The following VAX2 variants were observed in gnomAD, a reference collection of about 807,000 sequenced individuals.
VAX2 encodes ventral anterior homeobox 2.
A neutral mutation model predicts 12.5 loss-of-function variants in VAX2; 8 were observed. The ratio of observed to expected loss-of-function variants is 0.64; its 90% CI spans 0.37 to 1.15. The LOEUF (loss-of-function observed/expected upper bound fraction) is 1.15, where lower values mean the gene tolerates loss of function less well. Ranked by LOEUF, VAX2 falls within the 50% of genes most tolerant of loss-of-function variation. The probability of loss-of-function intolerance (pLI) is 0.01; values close to 1 mark genes in which losing one functional copy is unlikely to be tolerated. For synonymous variants in VAX2, 183 were observed against 187.6 expected (o/e 0.98, Z 0.20); for missense variants, 476 against 412.9 (o/e 1.15, Z -1.32).
intron 2 of VAX2, among the ~76,000 whole-genome samples, chr2:70,926,047 C>T (rs1553413498): frequency 6.6e-6 from 1 of 151,880 alleles, no homozygotes. Context: ...TGCTCAGGGC[C>T]CATTTCCATG....
intron 1 of VAX2, among the ~76,000 whole-genome samples, chr2:70,908,660 T>C (rs1354092982): frequency 2.0e-5 from 3 of 152,212 alleles, no homozygotes; most frequent in Non-Finnish European, 4.4e-5. Flanking sequence ...TGTGAGTATA[T>C]CTGTCAGAGA....
rs1411561993 is a variant in VAX2 at position 70,900,989 on chromosome 2, T to G, written c.247+121T>G. On this transcript the variant is annotated intron_variant, in intron 1 of 2. Coordinates refer to ENST00000234392, the MANE Select transcript of VAX2 (RefSeq NM_012476.3). ...TATTCATTCATTCGTCATCCAGTCATTCATTCAGCAAATATTATTTTGAGC... is the reference window on the plus strand; with the variant it reads ...TATTCATTCATTCGTCATCCAGTCAGTCATTCAGCAAATATTATTTTGAGC... 3 of 1,028,584 alleles carry G rather than the reference T, an allele frequency of 2.9e-6. No individual in the cohort carries two copies. In the African/African-American group the frequency reaches 5.0e-5, roughly 17 times the overall value. The allele number at this position is 1,028,584 out of a possible 1,614,324, so 63.7% of individuals were successfully genotyped here. A position where few individuals can be genotyped will look rare whatever the true frequency, so the allele number is the denominator to read the frequency against.
chr2:70,927,657 A>G (rs2104784523), intron 2 of VAX2, among the ~76,000 whole-genome samples: 2 of 152,192 alleles, frequency 1.3e-5, no homozygotes, highest in Middle Eastern at 3.4e-3. Context: ...AAGCTGGTGG[A>G]TAATCTCCTG....
rs1553409566 is a variant in VAX2, at chr2:70,900,659, C to A, written c.38C>A (p.Ala13Glu). Residue 13 changes from alanine (A) to glutamate (E), a missense_variant, in exon 1 of 3, where the codon GCG (alanine) becomes GAG (glutamate). Coordinates refer to ENST00000234392, the MANE Select transcript of VAX2 (RefSeq NM_012476.3). ...DGGAERDRGP[A>E]RRAESGGGGG... is the part of the protein sequence containing the mutation. Reference sequence around the variant, plus strand: ...GGCGCCGAGCGCGACCGGGGCCCCGCGCGCCGGGCGGAGTCTGGTGGCGGC... The same window carrying A: ...GGCGCCGAGCGCGACCGGGGCCCCGAGCGCCGGGCGGAGTCTGGTGGCGGC... 3 of 1,281,068 alleles carry A rather than the reference C, an allele frequency of 2.3e-6. No homozygotes were observed. The highest frequency in any genetic ancestry group is 3.0e-6 in the Non-Finnish European group (3 of 1,013,722). The allele number at this position is 1,281,068 out of a possible 1,614,324, so 79.4% of individuals were successfully genotyped here. A position where few individuals can be genotyped will look rare whatever the true frequency, so the allele number is the denominator to read the frequency against.
chr2:70,919,844 C>G (rs1553412545), intron 1 of VAX2, among the ~76,000 whole-genome samples: 1 of 152,160 alleles, frequency 6.6e-6, no homozygotes, highest in Non-Finnish European at 1.5e-5. Flanking sequence ...GAGTGAGACC[C>G]TGTCTCAAAA....
chr2:70,921,297 G>A lies in VAX2; in HGVS notation c.435+12G>A, dbSNP rs1553412840. The stretch of plus-strand genomic sequence containing the variant: ...TCTCCGAGACCCAGGTAAGAGACCA[G>A]GGCCAGGCCACTCCACTCTTGTCCT... On this transcript the variant is annotated intron_variant, in intron 2 of 2. Transcript: ENST00000234392. The A allele has an allele frequency of 6.3e-7, 1 of 1,590,560 alleles. No homozygotes were observed. Among genetic ancestry groups the A allele is most frequent in the South Asian group, 1.1e-5 (1 of 88,198 alleles).
chr2:70,909,678 T>C (rs1227622553), intron 1 of VAX2, among the ~76,000 whole-genome samples: 2 of 152,212 alleles, frequency 1.3e-5, no homozygotes, highest in African/African-American at 2.4e-5. Context: ...CAAATTGTCT[T>C]AGCTTGCAAG....
chr2:70,929,322 TGGCCCTTG>T (rs1443723994), intron 2 of VAX2, among the ~76,000 whole-genome samples: 1 of 152,236 alleles, frequency 6.6e-6, no homozygotes, highest in Non-Finnish European at 1.5e-5. Flanking sequence ...CCCCAGAGTA[TGGCCCTTG>T]GGCCACTGCC....
chr2:70,923,777 C>T (rs1436374906), intron 2 of VAX2, among the ~76,000 whole-genome samples: 1 of 142,884 alleles, frequency 7.0e-6, no homozygotes, highest in Non-Finnish European at 1.5e-5. Flanking sequence ...TCCAGTGCCC[C>T]CATTCCCAGC....
At chr2:70,902,095 A>T (rs569442833) in intron 1 of VAX2, among the ~76,000 whole-genome samples, 1 of 152,148 alleles carries the variant, frequency 6.6e-6, no homozygotes, top group South Asian at 2.1e-4. Flanking sequence ...ATTATGTTTG[A>T]TCTGAGCTCG....
At position 70,932,928 on chromosome 2, in the gene VAX2, C is replaced by A. The variant is rs1553414559; in HGVS notation, c.597C>A (p.Ser199Arg). The change falls in exon 3 of 3, where the codon AGC becomes AGA. Residue 199 changes from serine to arginine, a missense_variant. Transcript: ENST00000234392. Reference protein sequence around the residue: ...GRLLSVPRAPSLLALTPSLPG... With the variant: ...GRLLSVPRAPRLLALTPSLPG... ...TGCTCTCTGTGCCCAGGGCCCCTAG[C>A]CTCCTGGCGCTGACCCCTAGCCTGC... The A allele has an allele frequency of 3.1e-6, 5 of 1,613,138 alleles. No individual in the cohort carries two copies. Among genetic ancestry groups the A allele is most frequent in the Non-Finnish European group, 4.2e-6 (5 of 1,179,860 alleles).
chr2:70,925,387 TG>T (rs1558661418), intron 2 of VAX2, among the ~76,000 whole-genome samples: 1 of 152,238 alleles, frequency 6.6e-6, no homozygotes, highest in East Asian at 1.9e-4. Flanking sequence ...GACTTGCTCA[TG>T]GATTATACGC....
At chr2:70,906,610 C>A (rs1486400571) in intron 1 of VAX2, among the ~76,000 whole-genome samples, 1 of 125,300 alleles carries the variant, frequency 8.0e-6, no homozygotes, top group Non-Finnish European at 1.6e-5. Flanking sequence ...TTCACTGTAA[C>A]CTTGAACCTC....
At chr2:70,917,386 T>C (rs1030403693) in intron 1 of VAX2, among the ~76,000 whole-genome samples, 8 of 151,410 alleles carry the variant, frequency 5.3e-5, no homozygotes, top group Admixed American at 1.3e-4. Context: ...AAATGCCCAT[T>C]TATTCTGGGC....
At position 70,933,368 on chromosome 2, in the gene VAX2, G is replaced by A. The variant is rs55783951; in HGVS notation, c.*164G>A. The A allele has an allele frequency of 2.5e-5, 15 of 588,898 alleles. No individual in the cohort carries two copies. The highest frequency in any genetic ancestry group is 9.6e-5 in the African/African-American group (5 of 52,268). 36.5% of individuals were successfully genotyped at this position (588,898 alleles called of 1,614,324 possible). ...CTCGTGACCAAATGGCCTTGGTCCC[G>A]CAGCTTGTGTGCGTGAGTGCAGTGT... is the stretch of plus-strand genomic sequence containing the variant. On this transcript the variant is annotated 3_prime_UTR_variant, in exon 3 of 3. Coordinates refer to ENST00000234392, the MANE Select transcript of VAX2 (RefSeq NM_012476.3).
At chr2:70,911,725 C>T (rs929351924) in intron 1 of VAX2, among the ~76,000 whole-genome samples, 8 of 152,160 alleles carry the variant, frequency 5.3e-5, no homozygotes, top group African/African-American at 1.7e-4. Flanking sequence ...TAACCACATG[C>T]ATTTCTTCTT....
intron 1 of VAX2, among the ~76,000 whole-genome samples, chr2:70,905,330 T>TTTTG (rs1374551973): frequency 1.3e-5 from 2 of 152,168 alleles, no homozygotes; most frequent in African/African-American, 2.4e-5. Context: ...AGGGTTTCTT[T>TTTTG]TTTGTTTGTT....
At chr2:70,910,783 T>TAA (rs541915168) in intron 1 of VAX2, among the ~76,000 whole-genome samples, 1 of 123,836 alleles carries the variant, frequency 8.1e-6, no homozygotes, top group Non-Finnish European at 1.7e-5. Context: ...GTCACTTTCT[T>TAA]AAAAAAAAAA....
At chr2:70,916,419 T>C (rs1221067810) in intron 1 of VAX2, among the ~76,000 whole-genome samples, 1 of 152,212 alleles carries the variant, frequency 6.6e-6, no homozygotes, top group Non-Finnish European at 1.5e-5. Flanking sequence ...TTGTATATAG[T>C]TCTATGACAT....
Sources: allele counts gnomAD v4.1 joint callset (sites outside exome capture counted in the v4.1 genomes callset), GRCh38; gene constraint gnomAD v4.1.1; transcripts MANE v1.5; gene names NCBI Gene and HGNC (gene_info 2026-07-23, HGNC 2026-07-21).